The following TBXAS1 variants were observed in gnomAD, a reference collection of about 807,000 sequenced individuals.
TBXAS1 encodes the protein thromboxane A synthase 1.
TBXAS1 carries 48 observed loss-of-function variants against 60.7 expected under a neutral mutation model. That is an observed-to-expected ratio of 0.79 (90% CI 0.63 to 1.01). TBXAS1 has a LOEUF of 1.01. Among genes scored for constraint, TBXAS1 ranks in the 50% least tolerant of loss-of-function variants. TBXAS1 has a pLI of 0.00. For synonymous variants in TBXAS1, 287 were observed against 269.7 expected (o/e 1.06, Z -0.63); for missense variants, 685 against 686.3 (o/e 1.00, Z 0.02).
At chr7:140,017,966 C>A (rs559123833) in intron 12 of TBXAS1, 133 bp downstream of exon 12, 2 of 1,151,026 alleles carry the variant, frequency 1.7e-6, no homozygotes, top group East Asian at 4.9e-5. Context: ...GCTCCTTAAC[C>A]TCTCTCGGCC....
At chr7:139,817,707 A>C (rs1349099658) in intron 4 of TBXAS1, among the ~76,000 whole-genome samples, 1 of 152,082 alleles carries the variant, frequency 6.6e-6, no homozygotes, top group East Asian at 1.9e-4. Context: ...GGACTCAAGA[A>C]CTCACTGCTC....
Position 139,999,611 on chromosome 7 carries a change from G to A in TBXAS1, c.1135-7480G>A, listed in dbSNP as rs758295467. Among the ~76,000 whole-genome samples, 6 of 152,166 alleles carry A rather than the reference G, an allele frequency of 3.9e-5. No homozygotes were observed. Among genetic ancestry groups the A allele is most frequent in the Non-Finnish European group, 8.8e-5 (6 of 68,028 alleles). Reference sequence around the variant, plus strand: ...AAGGTCACCCCATTTTCCACGGCTTGGTTTCATATTATAGTCCCACGGTCC... The same window carrying A: ...AAGGTCACCCCATTTTCCACGGCTTAGTTTCATATTATAGTCCCACGGTCC... On this transcript the variant is annotated intron_variant, in intron 9 of 12. Coordinates refer to ENST00000448866, the MANE Select transcript of TBXAS1 (RefSeq NM_001061.7). The surrounding 1 kb of genome is among the most constrained non-coding windows in gnomAD (Gnocchi z 4.3).
At chr7:140,016,449 C>A (rs1413693905) in intron 11 of TBXAS1, 2 of 281,630 alleles carry the variant, frequency 7.1e-6, no homozygotes. Context: ...AGGAACAAGG[C>A]AATTTCAAAT....
chr7:139,971,747 C>A (rs919408273), intron 9 of TBXAS1, among the ~76,000 whole-genome samples: 1 of 152,170 alleles, frequency 6.6e-6, no homozygotes, highest in African/African-American at 2.4e-5. Context: ...AGCTTAGAGA[C>A]CGCTGTGCCT....
intron 9 of TBXAS1, among the ~76,000 whole-genome samples, chr7:139,980,185 C>A (rs1180277499): frequency 1.3e-5 from 2 of 152,106 alleles, no homozygotes; most frequent in Non-Finnish European, 2.9e-5. Context: ...CTGCTCATTG[C>A]GGGCATCTAA....
At chr7:139,947,692 C>T (rs1039759925) in intron 5 of TBXAS1, among the ~76,000 whole-genome samples, 3 of 152,190 alleles carry the variant, frequency 2.0e-5, no homozygotes, top group Admixed American at 6.5e-5. Context: ...CCACTGGTTG[C>T]CAGACAGCTG....
chr7:139,872,315 C>T lies in TBXAS1; in HGVS notation c.170C>T (p.Thr57Ile). The change falls in exon 2 of 13, where the codon ACA becomes ATA. Residue 57 changes from threonine (T) to isoleucine (I), a missense_variant. By Grantham distance (89) the Thr-to-Ile change is moderately conservative (BLOSUM62 -1). Coordinates refer to ENST00000448866, the MANE Select transcript of TBXAS1 (RefSeq NM_001061.7). ...PKPSPFIGNLTFFRQGFWESQ... is the reference protein window; with the variant it reads ...PKPSPFIGNLIFFRQGFWESQ... The stretch of plus-strand genomic sequence containing the variant: ...CCTTCTCCTTTCATTGGAAACTTGA[C>T]ATTTTTCCGCCAGGTAAGGGCTGTC... 6.2e-7 allele frequency: 1 copy of T among 1,613,880 alleles called. No homozygotes were observed. The highest frequency in any genetic ancestry group is 8.5e-7 in the Non-Finnish European group (1 of 1,179,808).
intron 7 of TBXAS1, among the ~76,000 whole-genome samples, chr7:139,956,872 T>C (rs1395616750): frequency 6.6e-6 from 1 of 152,266 alleles, no homozygotes; most frequent in Non-Finnish European, 1.5e-5. Flanking sequence ...TCACATTGGT[T>C]CGGACTCTGG....
At chr7:139,827,993 G>A (rs1798493226), upstream of TBXAS1, among the ~76,000 whole-genome samples, 1 of 152,178 alleles carries the variant, frequency 6.6e-6, no homozygotes, top group Non-Finnish European at 1.5e-5. Context: ...TTTCCCATGT[G>A]TTCTTTGTAC....
chr7:139,891,245 A>T lies in TBXAS1; in HGVS notation c.236+15608A>T, dbSNP rs1005302152. On this transcript the variant is annotated intron_variant, in intron 3 of 12. Coordinates refer to ENST00000448866, the MANE Select transcript of TBXAS1 (RefSeq NM_001061.7). ...CTTGCCCTATGATTATAATATATAT[A>T]TATTTATTTATTTATATATATATAT... Among the ~76,000 whole-genome samples, 9 of 149,564 alleles carry T rather than the reference A, an allele frequency of 6.0e-5. No homozygotes were observed. The East Asian group carries it at 1.4e-3, about 23-fold the overall frequency.
intron 9 of TBXAS1, among the ~76,000 whole-genome samples, chr7:139,970,119 G>C (rs779308959): frequency 6.6e-6 from 1 of 152,066 alleles, no homozygotes; most frequent in Non-Finnish European, 1.5e-5. Context: ...TTATTATTTT[G>C]TATTTATGAG....
chr7:139,824,057 C>A (rs1798372169), intron 4 of TBXAS1, among the ~76,000 whole-genome samples: 1 of 152,158 alleles, frequency 6.6e-6, no homozygotes, highest in African/African-American at 2.4e-5. Context: ...AAGGAAGGCA[C>A]CACTTAGACA....
In TBXAS1 at chr7:139,835,304, G is replaced by A. The variant is rs145745556; in HGVS notation, c.89+5825G>A. ...AGGATTATCTTGATCTCCTGACCTCGTGGTCCACCCACCTCGGCCTCCCAA... is the reference window on the plus strand; with the variant it reads ...AGGATTATCTTGATCTCCTGACCTCATGGTCCACCCACCTCGGCCTCCCAA... On this transcript the variant is annotated intron_variant, in intron 1 of 12. Transcript: ENST00000448866. Among the ~76,000 whole-genome samples, 922 of 152,102 alleles carry A rather than the reference G, an allele frequency of 6.1e-3. 11 individuals carry two copies. The highest frequency in any genetic ancestry group is 0.021 in the African/African-American group (876 of 41,510).
rs534134250 is a variant in TBXAS1 at position 139,892,586 on chromosome 7, C to T, written c.236+16949C>T. On this transcript the variant is annotated intron_variant, in intron 3 of 12. Coordinates refer to ENST00000448866, the MANE Select transcript of TBXAS1 (RefSeq NM_001061.7). The stretch of plus-strand genomic sequence containing the variant: ...CCAGCCTGGGCGACAGAGTGAGACT[C>T]TGTCTCAGAAACAAAACAAACAACA... Among the ~76,000 whole-genome samples, 6 of 152,232 alleles carry T rather than the reference C, an allele frequency of 3.9e-5. No individual in the cohort carries two copies. In the South Asian group the frequency reaches 1.2e-3, roughly 32 times the overall value.
At chr7:139,821,699 C>T (rs1375204781) in intron 4 of TBXAS1, among the ~76,000 whole-genome samples, 3 of 152,228 alleles carry the variant, frequency 2.0e-5, no homozygotes, top group Non-Finnish European at 4.4e-5. Context: ...CTGCAAATTC[C>T]ACTCTTCTAG....
chr7:139,842,191 C>T (rs1318752675), intron 1 of TBXAS1, among the ~76,000 whole-genome samples: 1 of 152,132 alleles, frequency 6.6e-6, no homozygotes, highest in Admixed American at 6.5e-5. Context: ...TATTTATGGT[C>T]ATACCTTCTC....
intron 4 of TBXAS1, among the ~76,000 whole-genome samples, chr7:139,791,827 T>G (rs1797393708): frequency 6.7e-6 from 1 of 149,926 alleles, no homozygotes. Flanking sequence ...TTTTTTTTCA[T>G]TTCTTGCAGT....
At position 140,015,813 on chromosome 7, in the gene TBXAS1, C is replaced by T. The variant is rs778078235; in HGVS notation, c.1317C>T (p.His439=). The T allele has an allele frequency of 1.9e-6, 3 of 1,613,676 alleles. No homozygotes were observed. Among genetic ancestry groups the T allele is most frequent in the South Asian group, 1.1e-5 (1 of 91,096 alleles). The change falls in exon 11 of 13, where the codon CAC becomes CAT. Residue 439 remains histidine, a synonymous_variant. Coordinates refer to ENST00000448866, the MANE Select transcript of TBXAS1 (RefSeq NM_001061.7). The stretch of plus-strand genomic sequence containing the variant: ...TAGAGATGGCCGTGGGTGCCCTGCA[C>T]CATGACCCTGAGCACTGGCCAAGCC... The part of the protein sequence containing the change: ...AVLEMAVGAL[H]HDPEHWPSPE...
chr7:139,968,168 G>A (rs1421212128), intron 9 of TBXAS1, among the ~76,000 whole-genome samples: 2 of 152,282 alleles, frequency 1.3e-5, no homozygotes, highest in Middle Eastern at 3.4e-3. Context: ...ATCTGCCTCC[G>A]CACATCCTGT....
Sources: allele counts gnomAD v4.1 joint callset (sites outside exome capture counted in the v4.1 genomes callset), GRCh38; gene constraint gnomAD v4.1.1; non-coding constraint Gnocchi (gnomAD v3.1); transcripts MANE v1.5; gene names NCBI Gene and HGNC (gene_info 2026-07-23, HGNC 2026-07-21).